The following TRIO variants were observed in gnomAD, a reference collection of about 807,000 sequenced individuals.
TRIO encodes the protein triple functional domain protein.
Under a neutral mutation model 351.9 loss-of-function variants are expected in TRIO, and 58 were observed. That is an observed-to-expected ratio of 0.16 (90% CI 0.13 to 0.21). The LOEUF (loss-of-function observed/expected upper bound fraction) is 0.21, where lower values mean the gene tolerates loss of function less well. Ranked by LOEUF, TRIO falls within the 10% of genes least tolerant of loss-of-function variation. The pLI is 1.00. For synonymous variants in TRIO, 1,758 were observed against 1,595.7 expected (o/e 1.10, Z -2.42); for missense variants, 3,201 against 4,027.8 (o/e 0.79, Z 5.56).
chr5:14,314,044 C>T (rs1386461839), intron 8 of TRIO, among the ~76,000 whole-genome samples: 1 of 152,144 alleles, frequency 6.6e-6, no homozygotes, highest in Non-Finnish European at 1.5e-5. Flanking sequence ...CATTTTCCAA[C>T]AGTAATGCAA....
chr5:14,224,892 C>T (rs542428969), intron 1 of TRIO, among the ~76,000 whole-genome samples: 2 of 151,866 alleles, frequency 1.3e-5, no homozygotes, highest in East Asian at 3.9e-4. Context: ...GTTAAATACG[C>T]AATAGGTGTT....
intron 34 of TRIO, among the ~76,000 whole-genome samples, chr5:14,458,612 G>A (rs116533819): frequency 3.7e-4 from 56 of 152,326 alleles, no homozygotes; most frequent in African/African-American, 1.3e-3. Context: ...GGGAAATCGG[G>A]GGCTTGGCTC....
chr5:14,331,280 T>C (rs758081288), intron 10 of TRIO, among the ~76,000 whole-genome samples: 4 of 152,210 alleles, frequency 2.6e-5, no homozygotes, highest in Admixed American at 6.5e-5. Context: ...ATGTGTGGGC[T>C]TAGGAAACAG....
intron 1 of TRIO, among the ~76,000 whole-genome samples, chr5:14,236,038 A>G (rs2152228193): frequency 8.2e-6 from 1 of 122,236 alleles, no homozygotes; most frequent in East Asian, 2.7e-4. Context: ...ATAGTTGGTT[A>G]AATAGATCAC....
chr5:14,240,299 T>G (rs1794050215), intron 1 of TRIO, among the ~76,000 whole-genome samples: 1 of 152,260 alleles, frequency 6.6e-6, no homozygotes, highest in African/African-American at 2.4e-5. Context: ...CTAAATGCAA[T>G]TTGGTAGGGA....
chr5:14,280,605 T>C (rs759793402), intron 3 of TRIO, among the ~76,000 whole-genome samples, 169 bp downstream of exon 3: 3 of 152,238 alleles, frequency 2.0e-5, no homozygotes, highest in Non-Finnish European at 4.4e-5. Flanking sequence ...TATTGTCTAG[T>C]GTAAAGCCCT....
chr5:14,271,779 C>T (rs191326949), intron 2 of TRIO, among the ~76,000 whole-genome samples: 87 of 152,360 alleles, frequency 5.7e-4, no homozygotes, highest in Middle Eastern at 3.4e-3. Flanking sequence ...CTCTTGAACA[C>T]ATATCATTTT....
chr5:14,458,268 T>G (rs538856703), intron 34 of TRIO, among the ~76,000 whole-genome samples: 1 of 152,174 alleles, frequency 6.6e-6, no homozygotes, highest in Non-Finnish European at 1.5e-5. Flanking sequence ...TTCTGATGTT[T>G]CCATGTAATA....
intron 1 of TRIO, among the ~76,000 whole-genome samples, chr5:14,160,187 C>T (rs1216068270): frequency 6.6e-6 from 1 of 152,178 alleles, no homozygotes; most frequent in East Asian, 1.9e-4. Flanking sequence ...CAGTTATATA[C>T]ATTAAGAACA....
intron 11 of TRIO, among the ~76,000 whole-genome samples, chr5:14,350,214 C>T (rs867646254): frequency 1.1e-4 from 16 of 152,210 alleles, no homozygotes; most frequent in Middle Eastern, 3.4e-3. Flanking sequence ...AACATGGGCA[C>T]GATCTGCAGG....
intron 8 of TRIO, among the ~76,000 whole-genome samples, chr5:14,306,748 C>G (rs1382148799): frequency 6.6e-6 from 1 of 152,190 alleles, no homozygotes; most frequent in African/African-American, 2.4e-5. Flanking sequence ...GTGTCATCCT[C>G]CAGCCAAGCT....
intron 46 of TRIO, 22 bp downstream of exon 46, chr5:14,482,795 T>A: frequency 6.6e-7 from 1 of 1,522,064 alleles, no homozygotes; most frequent in African/African-American, 1.4e-5. Context: ...CTCTGTGTGA[T>A]TTCTCTGTGC....
intron 1 of TRIO, among the ~76,000 whole-genome samples, chr5:14,192,594 G>A (rs555359282): frequency 6.6e-6 from 1 of 152,248 alleles, no homozygotes; most frequent in African/African-American, 2.4e-5. Context: ...GGGATAACAG[G>A]TGCCTATAAG....
chr5:14,207,397 C>T (rs74489244), intron 1 of TRIO, among the ~76,000 whole-genome samples: 1 of 16,676 alleles, frequency 6.0e-5, no homozygotes, highest in Non-Finnish European at 2.2e-4. Flanking sequence ...TCTACACACA[C>T]ACACACACAC....
intron 10 of TRIO, among the ~76,000 whole-genome samples, chr5:14,333,666 C>G (rs1040312717): frequency 3.9e-5 from 6 of 152,166 alleles, no homozygotes; most frequent in African/African-American, 1.4e-4. Flanking sequence ...AGTACAGCCC[C>G]TGGTCATCTT....
At chr5:14,407,097 G>C (rs1326727734) in intron 33 of TRIO, among the ~76,000 whole-genome samples, 1 of 152,182 alleles carries the variant, frequency 6.6e-6, no homozygotes, top group Non-Finnish European at 1.5e-5. Flanking sequence ...GAAATAAAGA[G>C]TGTTGCTTAC....
intron 29 of TRIO, 139 bp from the exon 30 acceptor site, chr5:14,398,741 C>A: frequency 1.3e-6 from 1 of 748,636 alleles, no homozygotes; most frequent in Non-Finnish European, 2.2e-6. Flanking sequence ...GGCGTCGAGT[C>A]AGGATCAGAT....
Position 14,304,562 on chromosome 5 carries a change from A to G in TRIO, c.1470A>G (p.Ile490Met), listed in dbSNP as rs1366860763. The G allele has an allele frequency of 2.5e-6, 4 of 1,614,038 alleles. No homozygotes were observed. The highest frequency in any genetic ancestry group is 3.4e-6 in the Non-Finnish European group (4 of 1,179,982). The change falls in exon 8 of 57, where the codon ATA becomes ATG. Residue 490 changes from isoleucine (I) to methionine (M), a missense_variant. This residue lies in a region of TRIO where 349 missense variants were observed against 449.3 expected (regional missense o/e 0.78). Coordinates refer to ENST00000344204, the MANE Select transcript of TRIO (RefSeq NM_007118.4). ...ATGCCATTCATCACCACCAGGGAAT[A>G]TATGAACATATCACTCTTGCTTATT... ...LEDAIHHHQGIYEHITLAYSE... is the reference protein window; with the variant it reads ...LEDAIHHHQGMYEHITLAYSE...
At chr5:14,376,431 C>T (rs926093300) in intron 19 of TRIO, among the ~76,000 whole-genome samples, 1 of 152,176 alleles carries the variant, frequency 6.6e-6, no homozygotes, top group African/African-American at 2.4e-5. Context: ...CCTGTCTGTG[C>T]ATGTAAATGT....
Sources: gnomAD v4.1 joint callset for allele counts (sites outside exome capture counted in the v4.1 genomes callset) on GRCh38, gnomAD v4.1.1 for gene constraint, gnomAD v4.1.1 regional missense constraint, MANE v1.5 for transcripts, NCBI Gene and HGNC (gene_info 2026-07-23, HGNC 2026-07-21) for gene names.